Variants in CTNNA1 observed in about 807,000 individuals in gnomAD.
CTNNA1 encodes the protein catenin alpha-1.
CTNNA1 carries 37 observed loss-of-function variants against 98.4 expected under a neutral mutation model. The ratio of observed to expected loss-of-function variants is 0.38; its 90% confidence interval spans 0.29 to 0.49. The LOEUF is 0.49. CTNNA1 is among the 20% of genes least tolerant of loss of function. The pLI is 0.95. For synonymous variants in CTNNA1, 404 were observed against 413.2 expected (o/e 0.98, Z 0.27); for missense variants, 761 against 1,147.2 (o/e 0.66, Z 4.86).
chr5:138,772,630 C>T (rs1315787416), intron 1 of CTNNA1, among the ~76,000 whole-genome samples: 3 of 152,128 alleles, frequency 2.0e-5, no homozygotes, highest in African/African-American at 4.8e-5. Context: ...CAGCAACTTA[C>T]GGGATATAAA....
intron 7 of CTNNA1, among the ~76,000 whole-genome samples, chr5:138,855,392 T>C (rs1581285059): frequency 6.7e-6 from 1 of 149,546 alleles, no homozygotes; most frequent in South Asian, 2.1e-4. Flanking sequence ...GTTTTTTCTA[T>C]GTATAGATAT....
intron 1 of CTNNA1, among the ~76,000 whole-genome samples, chr5:138,763,951 G>T (rs1212971271): frequency 6.6e-6 from 1 of 152,204 alleles, no homozygotes; most frequent in East Asian, 1.9e-4. Context: ...AGCACTTTGG[G>T]AGGCGGGCAG....
At position 138,818,138 on chromosome 5, in the gene CTNNA1, T is replaced by C. The variant is rs118168579; in HGVS notation, c.588+5836T>C. On this transcript the variant is annotated intron_variant, in intron 5 of 17. Coordinates refer to ENST00000302763, the MANE Select transcript of CTNNA1 (RefSeq NM_001903.5). ...TCCCCCTTTTTTTTCCTTTTTCTTT[T>C]TTTTTTTTTCAGACAGGGTCTTGCT... Among the ~76,000 whole-genome samples, 437 of 151,700 alleles carry C rather than the reference T, an allele frequency of 2.9e-3. 6 individuals are homozygous for C. The East Asian group carries it at 0.065, about 23-fold the overall frequency.
chr5:138,823,025 A>G (rs899809725), intron 5 of CTNNA1, among the ~76,000 whole-genome samples: 3 of 152,216 alleles, frequency 2.0e-5, no homozygotes, highest in Non-Finnish European at 4.4e-5. Flanking sequence ...TAATACTCAA[A>G]ATGTTTAAAT....
intron 1 of CTNNA1, among the ~76,000 whole-genome samples, chr5:138,781,291 C>G (rs1333654942): frequency 6.6e-6 from 1 of 152,182 alleles, no homozygotes; most frequent in Non-Finnish European, 1.5e-5. Context: ...TGGCTCACGC[C>G]TATAATCCCA....
chr5:138,835,577 T>C (rs1045574564), intron 7 of CTNNA1, among the ~76,000 whole-genome samples: 1 of 152,240 alleles, frequency 6.6e-6, no homozygotes, highest in African/African-American at 2.4e-5. Flanking sequence ...AATGCAAAAT[T>C]TGAGCCTGTG....
In CTNNA1 at chr5:138,788,345, C is replaced by T. The variant is rs1042124184; in HGVS notation, c.301+4973C>T. ...ACAGTAAGAGAAAATGCTTTTTTCT[C>T]GAAATTTAAAGTGTGTTTTCCTTTC... is the stretch of plus-strand genomic sequence containing the variant. On this transcript the variant is annotated intron_variant, in intron 3 of 17. Transcript: ENST00000302763. 5.9e-5 allele frequency among the ~76,000 whole-genome samples: 9 copies of T among 151,966 alleles called. No homozygotes were observed. The East Asian group carries it at 1.2e-3, about 20-fold the overall frequency.
At chr5:138,819,125 T>C (rs1759750761) in intron 5 of CTNNA1, among the ~76,000 whole-genome samples, 1 of 151,990 alleles carries the variant, frequency 6.6e-6, no homozygotes, top group African/African-American at 2.4e-5. Flanking sequence ...TGTATGTAGC[T>C]ACAATTTGGG....
chr5:138,832,936 T>C (rs1483502485), intron 7 of CTNNA1, among the ~76,000 whole-genome samples: 1 of 152,232 alleles, frequency 6.6e-6, no homozygotes, highest in African/African-American at 2.4e-5. Context: ...TTTATACAGC[T>C]GACTTCTTTA....
intron 7 of CTNNA1, among the ~76,000 whole-genome samples, chr5:138,845,394 C>G (rs894873658): frequency 2.0e-5 from 3 of 152,146 alleles, no homozygotes; most frequent in Admixed American, 1.3e-4. Context: ...AAGAAAGTGT[C>G]TAACATTCTT....
At chr5:138,780,944 C>CT (rs1163544556) in intron 1 of CTNNA1, among the ~76,000 whole-genome samples, 14 of 80,102 alleles carry the variant, frequency 1.7e-4, no homozygotes, top group Admixed American at 1.1e-3. Context: ...GAAGAAAAGA[C>CT]TAACTGTTAT....
chr5:138,919,096 T>C (rs1314135075), intron 11 of CTNNA1, among the ~76,000 whole-genome samples: 1 of 152,202 alleles, frequency 6.6e-6, no homozygotes, highest in Non-Finnish European at 1.5e-5. Context: ...GACTGCCAAA[T>C]TGCAGGTGTT....
At position 138,827,406 on chromosome 5, in the gene CTNNA1, T is replaced by C. The variant is rs533021501; in HGVS notation, c.859-109T>C. Reference sequence around the variant, plus strand: ...CTAAGAAGTATAACTTTCTTTCAGATGTTGGAATTTTTGTGTTAAATCTTG... The same window carrying C: ...CTAAGAAGTATAACTTTCTTTCAGACGTTGGAATTTTTGTGTTAAATCTTG... On this transcript the variant is annotated intron_variant, in intron 6 of 17. Coordinates refer to ENST00000302763, the MANE Select transcript of CTNNA1 (RefSeq NM_001903.5). The C allele has an allele frequency of 8.1e-6, 10 of 1,230,344 alleles. No individual in the cohort carries two copies. The Admixed American group carries it at 1.0e-4, about 12-fold the overall frequency. The allele number at this position is 1,230,344 out of a possible 1,614,324, so 76.2% of individuals were successfully genotyped here. A position where few individuals can be genotyped will look rare whatever the true frequency, so the allele number is the denominator to read the frequency against.
intron 1 of CTNNA1, among the ~76,000 whole-genome samples, chr5:138,763,256 C>T (rs1015390167): frequency 1.3e-5 from 2 of 152,196 alleles, no homozygotes; most frequent in African/African-American, 2.4e-5. Flanking sequence ...AAAACACATT[C>T]ACTATGGCCC....
At chr5:138,901,761 AC>A (rs919219014) in intron 9 of CTNNA1, among the ~76,000 whole-genome samples, 4 of 152,138 alleles carry the variant, frequency 2.6e-5, no homozygotes, top group Non-Finnish European at 5.9e-5. Context: ...GTTAATAGTT[AC>A]GTCATTCTAG....
intron 3 of CTNNA1, among the ~76,000 whole-genome samples, chr5:138,790,311 G>A (rs1458844834): frequency 6.6e-6 from 1 of 152,234 alleles, no homozygotes; most frequent in Non-Finnish European, 1.5e-5. Context: ...CCTGTGACTT[G>A]AGGCATTTAG....
chr5:138,786,198 C>T lies in CTNNA1; in HGVS notation c.301+2826C>T, dbSNP rs1412626695. 2.6e-5 allele frequency among the ~76,000 whole-genome samples: 4 copies of T among 152,102 alleles called. No individual in the cohort carries two copies. In the South Asian group the frequency reaches 6.2e-4, roughly 24 times the overall value. On this transcript the variant is annotated intron_variant, in intron 3 of 17. Coordinates refer to ENST00000302763, the MANE Select transcript of CTNNA1 (RefSeq NM_001903.5). ...TTGCCTTCTCTTTGGAAAAAAAGAGCCAAAACCAAAATATAACTTCCTCCC... is the reference window on the plus strand; with the variant it reads ...TTGCCTTCTCTTTGGAAAAAAAGAGTCAAAACCAAAATATAACTTCCTCCC...
At chr5:138,907,433 A>G (rs569585479) in intron 10 of CTNNA1, among the ~76,000 whole-genome samples, 5 of 152,222 alleles carry the variant, frequency 3.3e-5, no homozygotes, top group African/African-American at 7.2e-5. Context: ...GGATAACTCA[A>G]ACTCTTCTGT....
chr5:138,888,034 G>A (rs534825235), intron 9 of CTNNA1, among the ~76,000 whole-genome samples: 1 of 152,296 alleles, frequency 6.6e-6, no homozygotes, highest in Non-Finnish European at 1.5e-5. Context: ...TTTCTTGTCT[G>A]TAAAATTAGG....
Sources: gnomAD v4.1 joint callset for allele counts (sites outside exome capture counted in the v4.1 genomes callset) on GRCh38, gnomAD v4.1.1 for gene constraint, MANE v1.5 for transcripts, NCBI Gene and HGNC (gene_info 2026-07-23, HGNC 2026-07-21) for gene names.